Variants in ACSS2 observed in about 807,000 individuals in gnomAD.
ACSS2 encodes the protein acyl-CoA synthetase short chain family member 2, also known as acetyl-coenzyme A synthetase, cytoplasmic.
In ACSS2, 58 loss-of-function variants were observed where a neutral mutation model predicts 90.6. The observed-to-expected ratio is 0.64, with a 90% CI of 0.52 to 0.80. ACSS2 has a LOEUF of 0.80. ACSS2 is among the 30% of genes least tolerant of loss of function. The probability of loss-of-function intolerance (pLI) is 0.00; values close to 1 mark genes in which losing one functional copy is unlikely to be tolerated. For missense variants in ACSS2, 759 were observed against 912.0 expected, an observed-to-expected ratio of 0.83 and a Z score of 2.16; for synonymous variants, 300 against 330.9, an observed-to-expected ratio of 0.91 and a Z score of 1.01.
At chr20:34,922,793 A>C (rs1372826517) in intron 13 of ACSS2, 3 of 154,946 alleles carry the variant, frequency 1.9e-5, no homozygotes, top group Non-Finnish European at 2.9e-5. Flanking sequence ...TCCCAAGAGC[A>C]AGTTAGTAAC....
Position 34,926,893 on chromosome 20 carries a change from C to G in ACSS2, c.1920C>G (p.Gly640=). The G allele has an allele frequency of 5.0e-6, 8 of 1,614,118 alleles. No homozygotes were observed. Among genetic ancestry groups the G allele is most frequent in the Non-Finnish European group, 6.8e-6 (8 of 1,180,036 alleles). Residue 640 remains glycine (G), a synonymous_variant, in exon 17 of 18, where the codon GGC becomes GGG. Transcript: ENST00000360596. ...ELKKQIREKI[G]PIATPDYIQN... The stretch of plus-strand genomic sequence containing the variant: ...TGGTTACAGTTAGAGAAAAGATTGG[C>G]CCCATTGCCACACCAGACTACATCC...
chr20:34,919,029 T>C (rs1020116381), intron 7 of ACSS2, among the ~76,000 whole-genome samples: 1 of 152,070 alleles, frequency 6.6e-6, no homozygotes, highest in African/African-American at 2.4e-5. Context: ...TAACAGGAAA[T>C]ATGTACTGTG....
chr20:34,913,716 C>T, intron 4 of ACSS2, 37 bp from the exon 5 acceptor site: 1 of 1,586,856 alleles, frequency 6.3e-7, no homozygotes, highest in Non-Finnish European at 8.7e-7. Context: ...ATCCCTGGGG[C>T]TTTCTTCTCT....
At chr20:34,877,909 C>CAGACAGATAGATAGAT (rs1555878357) in intron 1 of ACSS2, among the ~76,000 whole-genome samples, 15 of 146,630 alleles carry the variant, frequency 1.0e-4, no homozygotes, top group Non-Finnish European at 1.3e-4. Context: ...GATAGATAGA[C>CAGACAGATAGATAGAT]AGATAGATAG....
intron 2 of ACSS2, among the ~76,000 whole-genome samples, chr20:34,883,569 A>G (rs2080118893): frequency 6.6e-6 from 1 of 152,252 alleles, no homozygotes; most frequent in Non-Finnish European, 1.5e-5. Context: ...ACACACAACC[A>G]TGACACTCTA....
chr20:34,911,440 G>A (rs2080956634), intron 2 of ACSS2, among the ~76,000 whole-genome samples: 1 of 151,818 alleles, frequency 6.6e-6, no homozygotes, highest in East Asian at 1.9e-4. Context: ...CACCTGCCTC[G>A]GCCTCCCAAA....
At chr20:34,924,230 C>T (rs1484902588) in intron 14 of ACSS2, among the ~76,000 whole-genome samples, 1 of 152,156 alleles carries the variant, frequency 6.6e-6, no homozygotes, top group East Asian at 1.9e-4. Flanking sequence ...TGATCCTGTG[C>T]CCAGGCACTG....
intron 7 of ACSS2, among the ~76,000 whole-genome samples, chr20:34,918,849 G>A (rs1172373537): frequency 6.6e-6 from 1 of 152,224 alleles, no homozygotes; most frequent in Non-Finnish European, 1.5e-5. Flanking sequence ...ATGTATGTAT[G>A]TAGACCTGTG....
At chr20:34,925,337 C>T (rs2081293868) in intron 14 of ACSS2, among the ~76,000 whole-genome samples, 1 of 152,132 alleles carries the variant, frequency 6.6e-6, no homozygotes, top group Admixed American at 6.5e-5. Flanking sequence ...CTCACCTCAC[C>T]ATAGGACTAC....
In ACSS2 at chr20:34,921,149, C is replaced by T. The variant is rs1449912113; in HGVS notation, c.1277+10C>T. 1.9e-6 allele frequency: 3 copies of T among 1,614,058 alleles called. No homozygotes were observed. Among genetic ancestry groups the T allele is most frequent in the East Asian group, 2.2e-5 (1 of 44,894 alleles). On this transcript the variant is annotated intron_variant, in intron 10 of 17. Coordinates refer to ENST00000360596, the MANE Select transcript of ACSS2 (RefSeq NM_018677.4). ...ATGAGCCTGTCACCAAGTGAGACCT[C>T]TTCCCAGTTGCTGCCCTGTGGGTAT...
At chr20:34,903,998 A>T (rs1036061158) in intron 2 of ACSS2, among the ~76,000 whole-genome samples, 2 of 151,938 alleles carry the variant, frequency 1.3e-5, no homozygotes, top group African/African-American at 4.8e-5. Context: ...CTTGGAGGAG[A>T]CAGAGAAGAA....
rs535983144 is a variant in ACSS2, at chr20:34,914,270, C to A, written c.720-53C>A. On this transcript the variant is annotated intron_variant, in intron 6 of 17. Coordinates refer to ENST00000360596, the MANE Select transcript of ACSS2 (RefSeq NM_018677.4). ...CTAAATGGACATGGGTGGGTCTTGC[C>A]AAGTTCCCTTTGAGCCAACAAGGCT... 6.9e-6 allele frequency: 11 copies of A among 1,603,438 alleles called. No homozygotes were observed. The East Asian group carries it at 2.2e-4, about 33-fold the overall frequency.
Position 34,892,970 on chromosome 20 carries a change from C to T in ACSS2, c.374+9981C>T, listed in dbSNP as rs182088476. 3.3e-5 allele frequency among the ~76,000 whole-genome samples: 5 copies of T among 152,304 alleles called. No individual in the cohort carries two copies. The East Asian group carries it at 9.6e-4, about 29-fold the overall frequency. Reference sequence around the variant, plus strand: ...GATGTGGCTTCCTAAACAACCATGTCGGTCTCCCCTGGATATACTTTAGTT... The same window carrying T: ...GATGTGGCTTCCTAAACAACCATGTTGGTCTCCCCTGGATATACTTTAGTT... On this transcript the variant is annotated intron_variant, in intron 2 of 17. Coordinates refer to ENST00000360596, the MANE Select transcript of ACSS2 (RefSeq NM_018677.4).
intron 14 of ACSS2, 82 bp from the exon 15 acceptor site, chr20:34,925,616 C>T: frequency 6.9e-7 from 1 of 1,443,178 alleles, no homozygotes; most frequent in Non-Finnish European, 9.5e-7. Context: ...AAGGCTATTG[C>T]AGAAGGTGTA....
intron 1 of ACSS2, among the ~76,000 whole-genome samples, chr20:34,879,142 G>A (rs2080004128): frequency 6.6e-6 from 1 of 151,778 alleles, no homozygotes; most frequent in Non-Finnish European, 1.5e-5. Flanking sequence ...CTGACCTCGT[G>A]ATCCGCCCGC....
chr20:34,877,493 CTG>C (rs2079945212), intron 1 of ACSS2, among the ~76,000 whole-genome samples: 2 of 152,062 alleles, frequency 1.3e-5, no homozygotes, highest in Admixed American at 1.3e-4. Context: ...TTCAGAAGTT[CTG>C]ATAGATGGTT....
chr20:34,899,416 T>TTC (rs1555882537), intron 2 of ACSS2, among the ~76,000 whole-genome samples: 3,040 of 116,540 alleles, frequency 0.026, 132 homozygotes, highest in Middle Eastern at 0.068. Context: ...CTTTCTTTCT[T>TTC]TCTTTCTTTC....
chr20:34,904,907 T>C (rs1259779324), intron 2 of ACSS2, among the ~76,000 whole-genome samples: 2 of 20,692 alleles, frequency 9.7e-5, no homozygotes, highest in African/African-American at 1.4e-3. Flanking sequence ...GTTTAAACCT[T>C]TTTTTTTTTT....
chr20:34,915,286 G>A lies in ACSS2; in HGVS notation c.834+849G>A, dbSNP rs756511703. 5 of 1,613,412 alleles carry A rather than the reference G, an allele frequency of 3.1e-6. No homozygotes were observed. In the African/African-American group the frequency reaches 4.0e-5, roughly 13 times the overall value. On this transcript the variant is annotated intron_variant, in intron 7 of 17. Coordinates refer to ENST00000360596, the MANE Select transcript of ACSS2 (RefSeq NM_018677.4). The stretch of plus-strand genomic sequence containing the variant: ...CCATTTCTGCACTGCCGTGGGCACC[G>A]CTTCTCTGTTTGCTTGTCTGTGTGC...
Sources: gnomAD v4.1 joint callset for allele counts (sites outside exome capture counted in the v4.1 genomes callset) on GRCh38, gnomAD v4.1.1 for gene constraint, MANE v1.5 for transcripts, NCBI Gene and HGNC (gene_info 2026-07-23, HGNC 2026-07-21) for gene names.